GRM7: variants seen among roughly 807,000 people sequenced by gnomAD.
GRM7 encodes the protein metabotropic glutamate receptor 7.
A neutral mutation model predicts 84.5 loss-of-function variants in GRM7; 35 were observed. The ratio of observed to expected loss-of-function variants is 0.41; its 90% confidence interval spans 0.32 to 0.55. The LOEUF is 0.55. GRM7 is among the 20% of genes least tolerant of loss of function. The pLI, the probability that GRM7 is intolerant of heterozygous loss-of-function variation, is 0.19. For synonymous variants in GRM7, 487 were observed against 455.1 expected, an observed-to-expected ratio of 1.07 and a Z score of -0.89; for missense variants, 1,003 against 1,194.6, an observed-to-expected ratio of 0.84 and a Z score of 2.36.
intron 8 of GRM7, among the ~76,000 whole-genome samples, chr3:7,612,965 G>A (rs1194546865): frequency 6.6e-6 from 1 of 151,910 alleles, no homozygotes; most frequent in Non-Finnish European, 1.5e-5. Context: ...GTAAACTAAT[G>A]AGCTGCTTTA....
intron 8 of GRM7, chr3:7,607,765 A>C (rs968917417): frequency 9.4e-6 from 1 of 106,866 alleles, no homozygotes. Flanking sequence ...TTGGGGGTAT[A>C]TGTGAAACTT....
intron 7 of GRM7, among the ~76,000 whole-genome samples, chr3:7,506,415 T>C (rs1700041029): frequency 6.6e-6 from 1 of 152,224 alleles, no homozygotes; most frequent in Non-Finnish European, 1.5e-5. Flanking sequence ...AAAGACTTTT[T>C]CTAGCCTACT....
chr3:6,992,917 G>A (rs560073459), intron 1 of GRM7, among the ~76,000 whole-genome samples: 2 of 152,208 alleles, frequency 1.3e-5, no homozygotes, highest in Admixed American at 6.5e-5. Flanking sequence ...GATCAGGGCA[G>A]AGAAAGATAG....
At chr3:6,985,247 A>G (rs1218934502) in intron 1 of GRM7, among the ~76,000 whole-genome samples, 2 of 152,148 alleles carry the variant, frequency 1.3e-5, no homozygotes, top group Non-Finnish European at 2.9e-5. Context: ...TTATTTTAAA[A>G]TGTACAATTA....
intron 7 of GRM7, among the ~76,000 whole-genome samples, chr3:7,493,868 A>T (rs1699609664): frequency 6.6e-6 from 1 of 152,064 alleles, no homozygotes; most frequent in South Asian, 2.1e-4. Context: ...GGGTATTAAA[A>T]TATATGTACA....
At chr3:7,720,123 G>C (rs1397791215) in intron 9 of GRM7, among the ~76,000 whole-genome samples, 14 of 152,106 alleles carry the variant, frequency 9.2e-5, no homozygotes, top group Admixed American at 7.2e-4. Context: ...CTTATAGACA[G>C]TTTAAAGGCA....
intron 2 of GRM7, among the ~76,000 whole-genome samples, chr3:7,223,994 A>T (rs570352497): frequency 8.5e-5 from 13 of 152,344 alleles, no homozygotes; most frequent in East Asian, 5.8e-4. Flanking sequence ...CTAAGGGATT[A>T]TCCAAAATAC....
intron 2 of GRM7, among the ~76,000 whole-genome samples, chr3:7,198,750 C>A (rs943706686): frequency 2.0e-5 from 3 of 152,090 alleles, no homozygotes; most frequent in African/African-American, 7.2e-5. Context: ...ACTTGGAGTA[C>A]AGTTTTTACA....
chr3:7,018,556 C>T (rs531419766), intron 1 of GRM7, among the ~76,000 whole-genome samples: 23 of 152,224 alleles, frequency 1.5e-4, no homozygotes, highest in South Asian at 1.0e-3. Context: ...GCAAGTCCCA[C>T]GGGGGTCCCT....
intron 1 of GRM7, among the ~76,000 whole-genome samples, chr3:6,961,259 C>A (rs1399721463): frequency 6.6e-6 from 1 of 152,164 alleles, no homozygotes; most frequent in Admixed American, 6.5e-5. Flanking sequence ...CTAAAGATAC[C>A]AGTCTGACAA....
At chr3:7,093,843 G>A (rs1035962266) in intron 1 of GRM7, among the ~76,000 whole-genome samples, 1 of 151,180 alleles carries the variant, frequency 6.6e-6, no homozygotes, top group African/African-American at 2.5e-5. Context: ...TTTTATAGAT[G>A]TTGTCACCAA....
At chr3:7,380,072 C>A (rs1414335466) in intron 4 of GRM7, among the ~76,000 whole-genome samples, 1 of 151,966 alleles carries the variant, frequency 6.6e-6, no homozygotes, top group Non-Finnish European at 1.5e-5. Context: ...AGCACTGGAA[C>A]AATAGGCAGT....
At chr3:7,488,858 C>CTTATTTATTTACTTAT (rs1553605587) in intron 7 of GRM7, among the ~76,000 whole-genome samples, 4,701 of 147,530 alleles carry the variant, frequency 0.032, 111 homozygotes, top group Non-Finnish European at 0.045. Flanking sequence ...CTAGTAAGGT[C>CTTATTTATTTACTTAT]TTATTTATTT....
intron 2 of GRM7, among the ~76,000 whole-genome samples, chr3:7,246,216 C>T (rs1697753309): frequency 6.6e-6 from 1 of 152,048 alleles, no homozygotes; most frequent in South Asian, 2.1e-4. Context: ...CTCTTCTCCC[C>T]AGGAAATGTA....
intron 8 of GRM7, among the ~76,000 whole-genome samples, chr3:7,668,033 T>G (rs538726368): frequency 6.6e-6 from 1 of 152,336 alleles, no homozygotes; most frequent in South Asian, 2.1e-4. Flanking sequence ...GGATTTTCAT[T>G]GTTGCCACAG....
chr3:7,517,417 G>C (rs546913471), intron 7 of GRM7, among the ~76,000 whole-genome samples: 1 of 152,044 alleles, frequency 6.6e-6, no homozygotes, highest in Non-Finnish European at 1.5e-5. Flanking sequence ...ATTTGAGACA[G>C]AGTCTCGCTC....
intron 7 of GRM7, among the ~76,000 whole-genome samples, chr3:7,516,475 TC>T (rs1700389464): frequency 3.2e-5 from 1 of 31,622 alleles, no homozygotes; most frequent in Admixed American, 5.6e-4. Flanking sequence ...AGACTCCCTC[TC>T]AAAAAAAAAA....
intron 2 of GRM7, among the ~76,000 whole-genome samples, chr3:7,198,781 C>A (rs1475651113): frequency 6.6e-6 from 1 of 152,106 alleles, no homozygotes; most frequent in African/African-American, 2.4e-5. Context: ...GGCTTTCACA[C>A]CATCATAAAG....
intron 5 of GRM7, among the ~76,000 whole-genome samples, chr3:7,416,864 C>G (rs1353435048): frequency 6.6e-6 from 1 of 152,068 alleles, no homozygotes; most frequent in Non-Finnish European, 1.5e-5. Flanking sequence ...TAATTTGTCT[C>G]TATGACAGGG....
Sources: gnomAD v4.1 joint callset for allele counts (sites outside exome capture counted in the v4.1 genomes callset) on GRCh38, gnomAD v4.1.1 for gene constraint, MANE v1.5 for transcripts, NCBI Gene and HGNC (gene_info 2026-07-23, HGNC 2026-07-21) for gene names.